NF1: variants seen among roughly 807,000 people sequenced by gnomAD.
NF1 encodes the protein neurofibromin.
A neutral mutation model predicts 325.7 loss-of-function variants in NF1; 122 were observed. That is an observed-to-expected ratio of 0.37 (90% CI 0.32 to 0.44). The LOEUF (loss-of-function observed/expected upper bound fraction) is 0.44, where lower values mean the gene tolerates loss of function less well. NF1 is among the 20% of genes least tolerant of loss of function. NF1 has a pLI of 1.00. For missense variants in NF1, 2,140 were observed against 3,415.4 expected (o/e 0.63, Z 9.31); for synonymous variants, 1,091 against 1,186.0 (o/e 0.92, Z 1.65).
chr17:31,206,787 A>G (rs1197275573), intron 12 of NF1, among the ~76,000 whole-genome samples: 1 of 152,214 alleles, frequency 6.6e-6, no homozygotes, highest in Non-Finnish European at 1.5e-5. Context: ...AATGGTGACT[A>G]TTAAACATAG....
At chr17:31,359,151 A>T (rs969921008) in intron 56 of NF1, 136 bp downstream of exon 56, 64 of 769,750 alleles carry the variant, frequency 8.3e-5, no homozygotes, top group Admixed American at 5.3e-5. Flanking sequence ...TACTTTTATA[A>T]AAAGTTTCTC....
At chr17:31,131,809 A>G (rs937477463) in intron 1 of NF1, among the ~76,000 whole-genome samples, 4 of 152,230 alleles carry the variant, frequency 2.6e-5, no homozygotes. Flanking sequence ...TTCTAGCCTT[A>G]TAAAATCAAT....
intron 47 of NF1, among the ~76,000 whole-genome samples, chr17:31,341,921 G>A (rs775941946): frequency 6.6e-6 from 1 of 152,106 alleles, no homozygotes; most frequent in Non-Finnish European, 1.5e-5. Context: ...AAAAGAATGT[G>A]TATATACAGT....
intron 29 of NF1, among the ~76,000 whole-genome samples, chr17:31,237,887 A>G (rs1255599886): frequency 6.6e-6 from 1 of 152,212 alleles, no homozygotes; most frequent in Admixed American, 6.5e-5. Flanking sequence ...AGGTTGCTTA[A>G]AATCAAACTG....
chr17:31,312,307 G>C (rs4638642), intron 36 of NF1, among the ~76,000 whole-genome samples: 75,976 of 151,600 alleles, frequency 0.5, 20,841 homozygotes, highest in Non-Finnish European at 0.62. Context: ...GTCAGGAGTT[G>C]AAGACCAGCC....
At chr17:31,358,655 T>G (rs758390863) in intron 55 of NF1, 33 bp downstream of exon 55, 3 of 1,613,466 alleles carry the variant, frequency 1.9e-6, no homozygotes, top group Non-Finnish European at 2.5e-6. Context: ...GGATGGTTGA[T>G]GAACTTGCTA....
intron 36 of NF1, among the ~76,000 whole-genome samples, chr17:31,287,717 A>G (rs2068262089): frequency 6.6e-6 from 1 of 151,934 alleles, no homozygotes; most frequent in African/African-American, 2.4e-5. Flanking sequence ...ACGCCACCAC[A>G]CTTGGCTAAT....
At chr17:31,215,063 G>A (rs1338961403) in intron 13 of NF1, among the ~76,000 whole-genome samples, 1 of 152,046 alleles carries the variant, frequency 6.6e-6, no homozygotes, top group Non-Finnish European at 1.5e-5. Flanking sequence ...ATACTGTATT[G>A]GAAAAAGAAT....
At chr17:31,155,750 T>G (rs937813416) in intron 1 of NF1, among the ~76,000 whole-genome samples, 3 of 152,170 alleles carry the variant, frequency 2.0e-5, no homozygotes, top group Non-Finnish European at 2.9e-5. Context: ...TCCAAAGAAT[T>G]TAAGATTTGC....
intron 36 of NF1, among the ~76,000 whole-genome samples, chr17:31,310,440 A>G (rs2068840535): frequency 1.3e-5 from 2 of 150,970 alleles, no homozygotes; most frequent in Non-Finnish European, 3.0e-5. Context: ...GGGTGGGGGG[A>G]GATGATTGAA....
intron 31 of NF1, among the ~76,000 whole-genome samples, chr17:31,255,313 G>A (rs2067564149): frequency 6.6e-6 from 1 of 151,894 alleles, no homozygotes; most frequent in African/African-American, 2.4e-5. Flanking sequence ...GACCTTTTAT[G>A]CAGAATGTCT....
At position 31,375,266 on chromosome 17, in the gene NF1, T is replaced by A. The variant is rs1490377545; in HGVS notation, c.*1111T>A. The A allele has an allele frequency of 1.3e-5, 3 of 227,290 alleles. No individual in the cohort carries two copies. The highest frequency in any genetic ancestry group is 2.2e-5 in the African/African-American group (1 of 45,062). 14.1% of individuals were successfully genotyped at this position (227,290 alleles called of 1,614,324 possible). On this transcript the variant is annotated 3_prime_UTR_variant, in exon 58 of 58. Coordinates refer to ENST00000358273, the MANE Select transcript of NF1 (RefSeq NM_001042492.3). The stretch of plus-strand genomic sequence containing the variant: ...TTGATAAGATGTATTTTGAATGTCT[T>A]TTAATCTTCCTCCTCCTCTCCAAAA...
chr17:31,275,044 A>G (rs2067977583), intron 36 of NF1, among the ~76,000 whole-genome samples: 1 of 152,254 alleles, frequency 6.6e-6, no homozygotes, highest in African/African-American at 2.4e-5. Context: ...AGGCCTCTTC[A>G]TGATGATTAA....
intron 1 of NF1, among the ~76,000 whole-genome samples, chr17:31,148,694 TG>T (rs1232916881): frequency 2.0e-5 from 3 of 152,182 alleles, no homozygotes; most frequent in Non-Finnish European, 2.9e-5. Flanking sequence ...CTGAAAGTCT[TG>T]GGTTTTTAGA....
chr17:31,294,305 C>G lies in NF1; in HGVS notation c.4835+28966C>G, dbSNP rs140442807. On this transcript the variant is annotated intron_variant, in intron 36 of 57. Coordinates refer to ENST00000358273, the MANE Select transcript of NF1 (RefSeq NM_001042492.3). ...ATGTTTTTAACACTTTTCTTACATGCAAAAAACACAACCGTTAAACTTTTC... is the reference window on the plus strand; with the variant it reads ...ATGTTTTTAACACTTTTCTTACATGGAAAAAACACAACCGTTAAACTTTTC... Among the ~76,000 whole-genome samples, 695 of 152,120 alleles carry G rather than the reference C, an allele frequency of 4.6e-3. 6 individuals are homozygous for G. Among genetic ancestry groups the G allele is most frequent in the African/African-American group, 0.016 (666 of 41,516 alleles).
At chr17:31,352,723 A>G (rs912019170) in intron 51 of NF1, among the ~76,000 whole-genome samples, 1 of 152,110 alleles carries the variant, frequency 6.6e-6, no homozygotes, top group South Asian at 2.1e-4. Flanking sequence ...ATAAATACCT[A>G]TAAGAAAGGA....
At chr17:31,252,071 G>T in intron 30 of NF1, 1 of 213,938 alleles carries the variant, frequency 4.7e-6, no homozygotes, top group Non-Finnish European at 9.3e-6. Flanking sequence ...AAAGAGCTCT[G>T]AGAGATGAAA....
intron 5 of NF1, among the ~76,000 whole-genome samples, chr17:31,180,077 A>G (rs1423883359): frequency 6.6e-6 from 1 of 152,220 alleles, no homozygotes; most frequent in East Asian, 1.9e-4. Flanking sequence ...GAATAGACCA[A>G]TAACAAGTTC....
At chr17:31,260,735 A>AT (rs1041897309) in intron 34 of NF1, among the ~76,000 whole-genome samples, 6 of 152,058 alleles carry the variant, frequency 3.9e-5, no homozygotes, top group African/African-American at 9.7e-5. Flanking sequence ...CATTATTATT[A>AT]TTTTTTTGTC....
Sources: gnomAD v4.1 joint callset for allele counts (sites outside exome capture counted in the v4.1 genomes callset) on GRCh38, gnomAD v4.1.1 for gene constraint, MANE v1.5 for transcripts, NCBI Gene and HGNC (gene_info 2026-07-23, HGNC 2026-07-21) for gene names.